Variants in CSMD1 observed in about 807,000 individuals in gnomAD.
CSMD1 encodes the protein CUB and sushi domain-containing protein 1.
Under a neutral mutation model 417.5 loss-of-function variants are expected in CSMD1, and 213 were observed. The ratio of observed to expected loss-of-function variants is 0.51; its 90% CI spans 0.46 to 0.57. The LOEUF (loss-of-function observed/expected upper bound fraction) is 0.57, where lower values mean the gene tolerates loss of function less well. Among genes scored for constraint, CSMD1 ranks in the 20% least tolerant of loss-of-function variants. The pLI is 0.00. For synonymous variants in CSMD1, 2,862 were observed against 1,736.8 expected, an observed-to-expected ratio of 1.65 and a Z score of -16.11; for missense variants, 6,923 against 4,529.7, an observed-to-expected ratio of 1.53 and a Z score of -15.17.
chr8:3,809,071 C>T (rs1313665057), intron 5 of CSMD1, among the ~76,000 whole-genome samples: 1 of 152,138 alleles, frequency 6.6e-6, no homozygotes, highest in African/African-American at 2.4e-5. Flanking sequence ...TGGGGAATCA[C>T]GCAGCTTCTA....
intron 3 of CSMD1, among the ~76,000 whole-genome samples, chr8:4,127,013 A>C (rs1352767939): frequency 2.0e-5 from 3 of 152,172 alleles, no homozygotes; most frequent in Non-Finnish European, 4.4e-5. Context: ...ACTGGCCTAC[A>C]AAATATATAT....
At chr8:4,319,896 G>A (rs1799169660) in intron 3 of CSMD1, among the ~76,000 whole-genome samples, 2 of 152,256 alleles carry the variant, frequency 1.3e-5, no homozygotes, top group East Asian at 1.9e-4. Context: ...TCAGGCTACA[G>A]AAAGATCCAC....
chr8:3,560,564 T>C (rs1362138450), intron 10 of CSMD1, among the ~76,000 whole-genome samples: 1 of 152,048 alleles, frequency 6.6e-6, no homozygotes, highest in Non-Finnish European at 1.5e-5. Flanking sequence ...TATAAATGAC[T>C]CTTAAAATGA....
intron 1 of CSMD1, among the ~76,000 whole-genome samples, chr8:4,961,715 T>G (rs1257030892): frequency 6.6e-6 from 1 of 152,166 alleles, no homozygotes; most frequent in East Asian, 1.9e-4. Flanking sequence ...AACGTAATTT[T>G]ATTTGGCTGA....
At chr8:4,918,406 C>T (rs906719821) in intron 1 of CSMD1, among the ~76,000 whole-genome samples, 2 of 152,172 alleles carry the variant, frequency 1.3e-5, no homozygotes, top group Non-Finnish European at 2.9e-5. Flanking sequence ...TCTGCCGATT[C>T]TTGCACAATA....
At chr8:3,189,599 C>G (rs767000517) in intron 34 of CSMD1, among the ~76,000 whole-genome samples, 18 of 152,124 alleles carry the variant, frequency 1.2e-4, no homozygotes, top group Non-Finnish European at 1.5e-4. Context: ...AGTAATATAG[C>G]AAATCAACAT....
intron 5 of CSMD1, among the ~76,000 whole-genome samples, chr8:3,993,774 C>T (rs1814940768): frequency 6.6e-6 from 1 of 152,180 alleles, no homozygotes; most frequent in South Asian, 2.1e-4. Flanking sequence ...CTGATGTTTT[C>T]CAGGGAGGGA....
intron 5 of CSMD1, among the ~76,000 whole-genome samples, chr8:3,967,767 G>C (rs745482038): frequency 7.2e-5 from 11 of 152,192 alleles, no homozygotes; most frequent in African/African-American, 1.7e-4. Flanking sequence ...TTAATATTAC[G>C]TGTGAACTAA....
chr8:4,182,129 G>A (rs879681226), intron 3 of CSMD1, among the ~76,000 whole-genome samples: 3 of 151,752 alleles, frequency 2.0e-5, no homozygotes, highest in African/African-American at 4.9e-5. Context: ...CACACCAAAA[G>A]AAGACAGAAC....
In CSMD1 at chr8:4,607,800, T is replaced by C. The variant is rs536678714; in HGVS notation, c.302+29542A>G. Reference sequence around the variant, plus strand: ...GTAAATCCTCACTCCCTTTCTTGAGTGTGTACTTTTCCCTTTGCAATAAAT... The same window carrying C: ...GTAAATCCTCACTCCCTTTCTTGAGCGTGTACTTTTCCCTTTGCAATAAAT... On this transcript the variant is annotated intron_variant, in intron 2 of 69. Coordinates refer to ENST00000635120, the MANE Select transcript of CSMD1 (RefSeq NM_033225.6). 4.6e-5 allele frequency among the ~76,000 whole-genome samples: 7 copies of C among 152,254 alleles called. No homozygotes were observed. In the South Asian group the frequency reaches 1.5e-3, roughly 32 times the overall value.
chr8:4,011,204 T>G (rs957611080), intron 4 of CSMD1, among the ~76,000 whole-genome samples: 2 of 152,192 alleles, frequency 1.3e-5, no homozygotes, highest in African/African-American at 4.8e-5. Context: ...GTACACCTGT[T>G]TGTGTTCTAC....
At chr8:3,862,972 G>C (rs1439146600) in intron 5 of CSMD1, among the ~76,000 whole-genome samples, 3 of 152,122 alleles carry the variant, frequency 2.0e-5, no homozygotes, top group Non-Finnish European at 2.9e-5. Context: ...CTGGAGTCTG[G>C]AGATTCCAAT....
intron 54 of CSMD1, among the ~76,000 whole-genome samples, chr8:2,996,153 A>G (rs1053290721): frequency 1.3e-5 from 2 of 151,764 alleles, no homozygotes; most frequent in Non-Finnish European, 1.5e-5. Context: ...TACTCATTCA[A>G]CAGAGAAAAG....
intron 12 of CSMD1, among the ~76,000 whole-genome samples, chr8:3,422,852 C>G (rs1813584176): frequency 6.6e-6 from 1 of 152,156 alleles, no homozygotes. Context: ...CTGCTCTCTG[C>G]TTCGAAAACA....
At position 4,751,468 on chromosome 8, in the gene CSMD1, T is replaced by C. The variant is rs55706849; in HGVS notation, c.86-113910A>G. Among the ~76,000 whole-genome samples the C allele has an allele frequency of 5.8e-3, 886 of 152,246 alleles. 7 individuals are homozygous for C. The highest frequency in any genetic ancestry group is 0.021 in the African/African-American group (855 of 41,556). On this transcript the variant is annotated intron_variant, in intron 1 of 69. Transcript: ENST00000635120. Reference sequence around the variant, plus strand: ...TTCCTCAGTAGTTCATTACCCTAAATAGCATAAAAAGTGTCCTGGATTTTG... The same window carrying C: ...TTCCTCAGTAGTTCATTACCCTAAACAGCATAAAAAGTGTCCTGGATTTTG...
At chr8:4,181,346 C>T (rs932479655) in intron 3 of CSMD1, among the ~76,000 whole-genome samples, 2 of 150,426 alleles carry the variant, frequency 1.3e-5, no homozygotes, top group Non-Finnish European at 2.9e-5. Flanking sequence ...TGCAATGGTA[C>T]GGTTTCTCAT....
rs929625725 is a variant in CSMD1 at position 3,898,636 on chromosome 8, C to G, written c.818+99267G>C. ...TACTAAATCAAAGGTGCACCTATCA[C>G]TCATTTTGAATCCACATGCAGACCT... On this transcript the variant is annotated intron_variant, in intron 5 of 69. Coordinates refer to ENST00000635120, the MANE Select transcript of CSMD1 (RefSeq NM_033225.6). 3.9e-5 allele frequency among the ~76,000 whole-genome samples: 6 copies of G among 152,178 alleles called. No individual in the cohort carries two copies. The South Asian group carries it at 8.3e-4, about 21-fold the overall frequency.
At chr8:3,675,316 T>C (rs772573334) in intron 7 of CSMD1, among the ~76,000 whole-genome samples, 2 of 152,168 alleles carry the variant, frequency 1.3e-5, no homozygotes. Context: ...CATCCTCACG[T>C]CTCCACTGTC....
intron 49 of CSMD1, among the ~76,000 whole-genome samples, chr8:3,055,849 G>A (rs987823908): frequency 6.6e-6 from 1 of 152,180 alleles, no homozygotes; most frequent in Non-Finnish European, 1.5e-5. Flanking sequence ...CTCAATAACA[G>A]TGTGGCTTCA....
Sources: allele counts gnomAD v4.1 joint callset (sites outside exome capture counted in the v4.1 genomes callset), GRCh38; gene constraint gnomAD v4.1.1; transcripts MANE v1.5; gene names NCBI Gene and HGNC (gene_info 2026-07-23, HGNC 2026-07-21).